Variants in SEMA3C observed in about 807,000 individuals in gnomAD.
The protein encoded by SEMA3C is semaphorin 3C.
A neutral mutation model predicts 89.4 loss-of-function variants in SEMA3C; 47 were observed. That is an observed-to-expected ratio of 0.53 (90% confidence interval 0.42 to 0.67). The LOEUF (loss-of-function observed/expected upper bound fraction) is 0.67. Among genes scored for constraint, SEMA3C ranks in the 30% least tolerant of loss-of-function variants. The pLI is 0.00. For synonymous variants in SEMA3C, 310 were observed against 320.2 expected (o/e 0.97, Z 0.34); for missense variants, 839 against 929.1 (o/e 0.90, Z 1.26).
intron 12 of SEMA3C, among the ~76,000 whole-genome samples, chr7:80,776,934 T>C (rs1583867725): frequency 6.6e-6 from 1 of 152,144 alleles, no homozygotes; most frequent in Non-Finnish European, 1.5e-5. Flanking sequence ...CAAATACTTA[T>C]TAAATGCATA....
At chr7:80,801,877 TG>T (rs1057259225) in intron 9 of SEMA3C, among the ~76,000 whole-genome samples, 12 of 152,252 alleles carry the variant, frequency 7.9e-5, no homozygotes, top group African/African-American at 2.6e-4. Context: ...ATCAACATAA[TG>T]GTTTTTGATC....
intron 2 of SEMA3C, among the ~76,000 whole-genome samples, chr7:80,875,762 T>C (rs1791185839): frequency 6.6e-6 from 1 of 151,638 alleles, no homozygotes; most frequent in South Asian, 2.1e-4. Flanking sequence ...TACTTAATAA[T>C]GGCCCCAAAG....
intron 12 of SEMA3C, among the ~76,000 whole-genome samples, chr7:80,779,729 G>A (rs1420063667): frequency 1.3e-5 from 2 of 152,176 alleles, no homozygotes; most frequent in Non-Finnish European, 2.9e-5. Context: ...TTGAGTGCAG[G>A]TGGAACATGT....
At chr7:80,892,498 A>G (rs1791638711) in intron 2 of SEMA3C, among the ~76,000 whole-genome samples, 1 of 152,110 alleles carries the variant, frequency 6.6e-6, no homozygotes, top group South Asian at 2.1e-4. Flanking sequence ...TAGGTCCTAA[A>G]CATTGTAAGA....
intron 8 of SEMA3C, among the ~76,000 whole-genome samples, chr7:80,803,161 C>A (rs756299470): frequency 6.6e-6 from 1 of 152,202 alleles, no homozygotes; most frequent in African/African-American, 2.4e-5. Flanking sequence ...GTGAGTTTTG[C>A]AGATTGTGGT....
At chr7:80,837,737 C>T (rs1257883277) in intron 2 of SEMA3C, among the ~76,000 whole-genome samples, 1 of 152,160 alleles carries the variant, frequency 6.6e-6, no homozygotes, top group Non-Finnish European at 1.5e-5. Flanking sequence ...TTAAACAGGG[C>T]TGTCTCATAA....
intron 12 of SEMA3C, among the ~76,000 whole-genome samples, chr7:80,780,335 A>G (rs997898103): frequency 1.3e-5 from 2 of 152,202 alleles, no homozygotes; most frequent in Non-Finnish European, 2.9e-5. Flanking sequence ...AATTCTAATG[A>G]CTGAATAAAT....
At chr7:80,831,207 T>G (rs1790002401) in intron 2 of SEMA3C, among the ~76,000 whole-genome samples, 1 of 152,042 alleles carries the variant, frequency 6.6e-6, no homozygotes, top group Admixed American at 6.6e-5. Context: ...GCCTCTGGGG[T>G]TCAACCACTG....
Position 80,744,242 on chromosome 7 carries a change from T to C in SEMA3C, c.*652A>G, listed in dbSNP as rs1031694939. ...ACTCCCACCAAATATCTTCATGGGG[T>C]AGGTTACTGATTTTTATCTTCCTGA... On this transcript the variant is annotated 3_prime_UTR_variant, in exon 18 of 18. Transcript: ENST00000265361. The C allele has an allele frequency of 1.2e-4, 18 of 152,196 alleles. No homozygotes were observed. Among genetic ancestry groups the C allele is most frequent in the African/African-American group, 4.1e-4 (17 of 41,426 alleles). The allele number at this position is 152,196 out of a possible 1,614,324, so 9.4% of individuals were successfully genotyped here.
At chr7:80,775,553 T>C (rs896995577) in intron 12 of SEMA3C, among the ~76,000 whole-genome samples, 1 of 152,200 alleles carries the variant, frequency 6.6e-6, no homozygotes, top group African/African-American at 2.4e-5. Context: ...TTATCTTTTA[T>C]CTACAAATCT....
chr7:80,819,568 C>T (rs1162440565), intron 4 of SEMA3C, among the ~76,000 whole-genome samples: 2 of 152,148 alleles, frequency 1.3e-5, no homozygotes, highest in African/African-American at 2.4e-5. Flanking sequence ...CAACAAAATG[C>T]CAGCATAATG....
intron 3 of SEMA3C, 28 bp from the exon 4 acceptor site, chr7:80,827,515 A>T: frequency 6.3e-7 from 1 of 1,586,474 alleles, no homozygotes; most frequent in Non-Finnish European, 8.6e-7. Flanking sequence ...TAAAGGTTGC[A>T]TAATCTCACC....
chr7:80,854,852 T>C (rs1372036999), intron 2 of SEMA3C, among the ~76,000 whole-genome samples: 1 of 152,194 alleles, frequency 6.6e-6, no homozygotes, highest in African/African-American at 2.4e-5. Flanking sequence ...ATTACTATAG[T>C]GGTTTGAAAC....
chr7:80,876,297 T>G (rs186656191), intron 2 of SEMA3C, among the ~76,000 whole-genome samples: 4 of 152,302 alleles, frequency 2.6e-5, no homozygotes, highest in Admixed American at 2.6e-4. Context: ...TATTAAGTAT[T>G]TGCATACTTA....
At chr7:80,754,948 T>TTTCTTTTTTGTTGTTTTTTTG (rs1788022380) in intron 15 of SEMA3C, among the ~76,000 whole-genome samples, 1 of 27,370 alleles carries the variant, frequency 3.7e-5, no homozygotes, top group South Asian at 2.0e-3. Flanking sequence ...TGGCGAATTG[T>TTTCTTTTTTGTTGTTTTTTTG]TTTTTTTTGT....
chr7:80,804,192 T>C lies in SEMA3C; in HGVS notation c.715A>G (p.Lys239Glu). The change falls in exon 8 of 18, where the codon AAG (lysine) becomes GAG (glutamate). Residue 239 changes from lysine (K) to glutamate (E), a missense_variant. Physicochemically the swap from Lys to Glu is moderately conservative, Grantham distance 56. Coordinates refer to ENST00000265361, the MANE Select transcript of SEMA3C (RefSeq NM_006379.5). ...IPDGTDPNDA[K>E]VYFFFKEKLT... ...TTTTCTTTGAAGAAGAAGTACACCTTAGCATCATTTGGATCAGTACCATCT... is the reference window on the plus strand; with the variant it reads ...TTTTCTTTGAAGAAGAAGTACACCTCAGCATCATTTGGATCAGTACCATCT... 1 of 1,612,790 alleles carries C rather than the reference T, an allele frequency of 6.2e-7. No individual in the cohort carries two copies. The highest frequency in any genetic ancestry group is 1.7e-5 in the Admixed American group (1 of 59,928).
intron 11 of SEMA3C, among the ~76,000 whole-genome samples, chr7:80,792,549 A>G (rs1358550445): frequency 6.6e-6 from 1 of 152,234 alleles, no homozygotes; most frequent in Non-Finnish European, 1.5e-5. Context: ...ACCAGTGCCT[A>G]GTCTCTGGCT....
intron 2 of SEMA3C, among the ~76,000 whole-genome samples, chr7:80,884,341 ACT>A (rs1791422117): frequency 6.6e-6 from 1 of 152,064 alleles, no homozygotes; most frequent in African/African-American, 2.4e-5. Context: ...AAGTTTCTTG[ACT>A]CTAACATAGA....
intron 11 of SEMA3C, among the ~76,000 whole-genome samples, chr7:80,794,409 T>C (rs1789014123): frequency 6.6e-6 from 1 of 152,174 alleles, no homozygotes; most frequent in Admixed American, 6.5e-5. Context: ...GTCTATGTCT[T>C]ATGCATTCAA....
Sources: gnomAD v4.1 joint callset for allele counts (sites outside exome capture counted in the v4.1 genomes callset) on GRCh38, gnomAD v4.1.1 for gene constraint, MANE v1.5 for transcripts, NCBI Gene and HGNC (gene_info 2026-07-23, HGNC 2026-07-21) for gene names.